The following TMEM132C variants were observed in gnomAD, a reference collection of about 807,000 sequenced individuals.
The protein encoded by TMEM132C is transmembrane protein 132C.
TMEM132C carries 29 observed loss-of-function variants against 61.4 expected under a neutral mutation model. The ratio of observed to expected loss-of-function variants is 0.47; its 90% CI spans 0.35 to 0.64. The LOEUF (loss-of-function observed/expected upper bound fraction) is 0.64. Among genes scored for constraint, TMEM132C ranks in the 30% least tolerant of loss-of-function variants. The pLI, the probability that TMEM132C is intolerant of heterozygous loss-of-function variation, is 0.00. For synonymous variants in TMEM132C, 656 were observed against 633.1 expected (o/e 1.04, Z -0.54); for missense variants, 1,408 against 1,476.9 (o/e 0.95, Z 0.76).
At chr12:128,305,942 A>T (rs1021460019) in intron 1 of TMEM132C, among the ~76,000 whole-genome samples, 5 of 152,204 alleles carry the variant, frequency 3.3e-5, no homozygotes, top group African/African-American at 1.2e-4. Context: ...GATTATCTCA[A>T]GGAGTCAGTA....
At chr12:128,420,447 A>T (rs1479627458) in intron 2 of TMEM132C, among the ~76,000 whole-genome samples, 2 of 152,242 alleles carry the variant, frequency 1.3e-5, no homozygotes, top group Middle Eastern at 3.4e-3. Flanking sequence ...GCTGAAACAG[A>T]ATGGAAGATT....
intron 1 of TMEM132C, among the ~76,000 whole-genome samples, chr12:128,338,380 A>G (rs1407780113): frequency 4.6e-5 from 7 of 152,194 alleles, no homozygotes; most frequent in Admixed American, 4.6e-4. Context: ...TTAATCATCC[A>G]GGGAAGACCT....
chr12:128,285,297 T>C (rs568331188), intron 1 of TMEM132C, among the ~76,000 whole-genome samples: 2 of 152,344 alleles, frequency 1.3e-5, no homozygotes, highest in African/African-American at 4.8e-5. Flanking sequence ...GATTTAATCA[T>C]TACACATTTT....
At chr12:128,469,176 G>T (rs116337407) in intron 2 of TMEM132C, among the ~76,000 whole-genome samples, 2,141 of 152,210 alleles carry the variant, frequency 0.014, 36 homozygotes, top group African/African-American at 0.049. Context: ...GGCAGCCTAA[G>T]CCATTTCCAG....
intron 1 of TMEM132C, among the ~76,000 whole-genome samples, chr12:128,399,775 G>A (rs1298512857): frequency 6.6e-6 from 1 of 151,762 alleles, no homozygotes; most frequent in African/African-American, 2.4e-5. Flanking sequence ...TGAAAACTAA[G>A]ACTTTTTTTT....
chr12:128,510,711 A>G (rs1036382704), intron 2 of TMEM132C, among the ~76,000 whole-genome samples: 1 of 152,294 alleles, frequency 6.6e-6, no homozygotes. Flanking sequence ...ATAAGCCAAA[A>G]TTGTCTCACT....
intron 1 of TMEM132C, among the ~76,000 whole-genome samples, chr12:128,333,550 A>C (rs2135947001): frequency 6.6e-6 from 1 of 151,636 alleles, no homozygotes; most frequent in South Asian, 2.1e-4. Context: ...TGTAGCATGT[A>C]TGTGTGAGTG....
chr12:128,666,194 C>A (rs1488805727), intron 4 of TMEM132C, among the ~76,000 whole-genome samples: 1 of 149,630 alleles, frequency 6.7e-6, no homozygotes, highest in African/African-American at 2.5e-5. Context: ...TACACACAGG[C>A]ACATGTACCC....
intron 4 of TMEM132C, among the ~76,000 whole-genome samples, chr12:128,661,533 A>G (rs559846887): frequency 6.6e-6 from 1 of 151,286 alleles, no homozygotes; most frequent in Non-Finnish European, 1.5e-5. Flanking sequence ...CAACCCAGCA[A>G]TTTCACTTCT....
intron 8 of TMEM132C, among the ~76,000 whole-genome samples, chr12:128,704,163 A>G (rs1954820814): frequency 6.6e-6 from 1 of 152,204 alleles, no homozygotes; most frequent in Non-Finnish European, 1.5e-5. Flanking sequence ...TCAGCCATAA[A>G]AAGAATGAAA....
chr12:128,644,889 G>A (rs1224666248), intron 4 of TMEM132C, among the ~76,000 whole-genome samples: 1 of 152,198 alleles, frequency 6.6e-6, no homozygotes, highest in Non-Finnish European at 1.5e-5. Context: ...GACGCGTTGT[G>A]CTGCCAGTCT....
intron 3 of TMEM132C, among the ~76,000 whole-genome samples, chr12:128,574,645 T>A (rs1020880265): frequency 3.9e-5 from 6 of 152,328 alleles, no homozygotes; most frequent in Middle Eastern, 3.4e-3. Context: ...TTCCGGTAAA[T>A]TGGCAGTGTT....
chr12:128,397,374 G>T (rs1443798484), intron 1 of TMEM132C, among the ~76,000 whole-genome samples: 1 of 152,162 alleles, frequency 6.6e-6, no homozygotes, highest in African/African-American at 2.4e-5. Context: ...TTTGTGGTTT[G>T]TGAGTTTGCA....
chr12:128,420,167 G>A (rs1565930843), intron 2 of TMEM132C, among the ~76,000 whole-genome samples: 1 of 152,162 alleles, frequency 6.6e-6, no homozygotes, highest in East Asian at 1.9e-4. Flanking sequence ...GTGAAGTCCA[G>A]CCTGGGTGAC....
At chr12:128,507,926 A>C (rs1872431329) in intron 2 of TMEM132C, among the ~76,000 whole-genome samples, 1 of 152,138 alleles carries the variant, frequency 6.6e-6, no homozygotes, top group Non-Finnish European at 1.5e-5. Context: ...ACTCAGATGG[A>C]GCTCTAACCG....
At chr12:128,411,183 C>T (rs1254209425) in intron 1 of TMEM132C, among the ~76,000 whole-genome samples, 1 of 152,156 alleles carries the variant, frequency 6.6e-6, no homozygotes, top group African/African-American at 2.4e-5. Flanking sequence ...CAGATTTCTC[C>T]ACCGAAACCT....
chr12:128,516,613 C>A (rs1025005068), intron 2 of TMEM132C, among the ~76,000 whole-genome samples: 3 of 151,432 alleles, frequency 2.0e-5, no homozygotes, highest in African/African-American at 7.3e-5. Context: ...AAAAAAAAAA[C>A]CTTAAAAAAA....
chr12:128,551,384 C>A (rs535865951), intron 3 of TMEM132C, among the ~76,000 whole-genome samples: 12 of 152,276 alleles, frequency 7.9e-5, no homozygotes, highest in Non-Finnish European at 1.6e-4. Flanking sequence ...TCTATAAACA[C>A]TCAGACCCAG....
chr12:128,414,012 T>G (rs1488157480), intron 1 of TMEM132C, among the ~76,000 whole-genome samples: 1 of 152,192 alleles, frequency 6.6e-6, no homozygotes, highest in Non-Finnish European at 1.5e-5. Flanking sequence ...CCATTTGAAG[T>G]TTGGTCTTAT....
Sources: gnomAD v4.1 joint callset for allele counts (sites outside exome capture counted in the v4.1 genomes callset) on GRCh38, gnomAD v4.1.1 for gene constraint, MANE v1.5 for transcripts, NCBI Gene and HGNC (gene_info 2026-07-23, HGNC 2026-07-21) for gene names.